The following FAAH2 variants were observed in gnomAD, a reference collection of about 807,000 sequenced individuals.
FAAH2 encodes fatty acid amide hydrolase 2, also known as fatty-acid amide hydrolase 2.
A neutral mutation model predicts 36.9 loss-of-function variants in FAAH2; 60 were observed. The ratio of observed to expected loss-of-function variants is 1.63; its 90% CI spans 1.32 to 2.02. The LOEUF is 2.02. Ranked by LOEUF, FAAH2 falls within the 30% of genes most tolerant of loss-of-function variation. The pLI, the probability that FAAH2 is intolerant of heterozygous loss-of-function variation, is 0.00. For missense variants in FAAH2, 689 were observed against 397.5 expected, an observed-to-expected ratio of 1.73 and a Z score of -6.23; for synonymous variants, 214 against 143.8, an observed-to-expected ratio of 1.49 and a Z score of -3.49.
intron 10 of FAAH2, among the ~76,000 whole-genome samples, chrX:57,466,334 A>T (rs1038729238): frequency 5.6e-5 from 6 of 107,026 alleles, no homozygotes; most frequent in Non-Finnish European, 1.2e-4. Flanking sequence ...CAGTCACTAA[A>T]AATACCTCAA....
intron 7 of FAAH2, among the ~76,000 whole-genome samples, chrX:57,422,378 T>A (rs1231933856): frequency 8.9e-6 from 1 of 112,192 alleles, no homozygotes; most frequent in Non-Finnish European, 1.9e-5. Context: ...GGTTTACTAT[T>A]TTCCTAGATA....
intron 4 of FAAH2, 26 bp downstream of exon 4, chrX:57,331,833 T>A (rs757508079): frequency 9.0e-7 from 1 of 1,110,902 alleles, no homozygotes; most frequent in Non-Finnish European, 1.2e-6. Flanking sequence ...TAGTATGGCA[T>A]GAATAGCTAT....
the FAAH2 span, among the ~76,000 whole-genome samples, chrX:57,162,653 C>T: frequency 1.3e-3 from 149 of 112,087 alleles, 1 homozygote; most frequent in African/African-American, 4.4e-3. Flanking sequence ...TTGATCGCAT[C>T]GGCTCCTGAG....
intron 10 of FAAH2, among the ~76,000 whole-genome samples, chrX:57,471,872 A>G (rs949391655): frequency 1.8e-5 from 2 of 111,999 alleles, no homozygotes; most frequent in Non-Finnish European, 3.8e-5. Context: ...CCAAAACAGC[A>G]TGGTGCTGGT....
intron 4 of FAAH2, among the ~76,000 whole-genome samples, chrX:57,336,898 G>A (rs539031914): frequency 1.8e-5 from 2 of 110,358 alleles, no homozygotes; most frequent in East Asian, 5.7e-4. Flanking sequence ...ACCAAGATTA[G>A]AGCAGAACTG....
intron 5 of FAAH2, among the ~76,000 whole-genome samples, chrX:57,370,687 G>T (rs1001016609): frequency 8.9e-6 from 1 of 112,348 alleles, no homozygotes; most frequent in Non-Finnish European, 1.9e-5. Flanking sequence ...CAGAAGGTGA[G>T]TAGTAGGTGA....
chrX:57,342,299 A>G (rs888325032), intron 5 of FAAH2, among the ~76,000 whole-genome samples: 1 of 111,614 alleles, frequency 9.0e-6, no homozygotes. Flanking sequence ...ATTTTCACTC[A>G]TAAGTGGGAG....
chrX:57,348,478 G>A (rs1007657659), intron 5 of FAAH2, among the ~76,000 whole-genome samples: 10 of 110,720 alleles, frequency 9.0e-5, no homozygotes, highest in African/African-American at 3.3e-4. Flanking sequence ...GACACCCAGG[G>A]GCCCAAGAAT....
chrX:57,131,079 C>CTT, the FAAH2 span, among the ~76,000 whole-genome samples: 1,592 of 90,178 alleles, frequency 0.018, 27 homozygotes, highest in Middle Eastern at 0.056. Flanking sequence ...GGGCCTATTT[C>CTT]TTTTTTTTTT....
chrX:57,172,411 C>T, the FAAH2 span, among the ~76,000 whole-genome samples: 1 of 110,712 alleles, frequency 9.0e-6, no homozygotes, highest in Non-Finnish European at 1.9e-5. Flanking sequence ...GGTTGTGGGG[C>T]TCCAACCTCA....
At chrX:57,124,775 G>T in the FAAH2 span, among the ~76,000 whole-genome samples, 1 of 111,803 alleles carries the variant, frequency 8.9e-6, no homozygotes, top group East Asian at 2.8e-4. Flanking sequence ...AGTTGTGAAT[G>T]AGAGTTCACT....
At chrX:57,146,268 T>C in the FAAH2 span, among the ~76,000 whole-genome samples, 1 of 111,231 alleles carries the variant, frequency 9.0e-6, no homozygotes, top group Non-Finnish European at 1.9e-5. Context: ...GTTTTCCTTG[T>C]AGAGGTCTTT....
At position 57,324,180 on chromosome X, in the gene FAAH2, G is replaced by A. The variant is rs1332325749; in HGVS notation, c.413-7418G>A. Among the ~76,000 whole-genome samples the A allele has an allele frequency of 3.6e-5, 4 of 111,511 alleles. No homozygotes were observed. The South Asian group carries it at 1.1e-3, about 31-fold the overall frequency. ...ATGTGGCATTATTTCTGAGGGCTCT[G>A]TTCTGTTCCATTGGTCTATATCTCT... On this transcript the variant is annotated intron_variant, in intron 3 of 10. Coordinates refer to ENST00000374900, the MANE Select transcript of FAAH2 (RefSeq NM_174912.4).
intron 7 of FAAH2, among the ~76,000 whole-genome samples, chrX:57,397,404 A>C (rs1384959651): frequency 5.4e-5 from 6 of 111,937 alleles, no homozygotes; most frequent in Non-Finnish European, 1.1e-4. Context: ...TTATGATGTC[A>C]GTGTCATTTT....
At chrX:57,305,388 T>G (rs906059843) in intron 2 of FAAH2, among the ~76,000 whole-genome samples, 2 of 111,306 alleles carry the variant, frequency 1.8e-5, no homozygotes, top group South Asian at 7.5e-4. Context: ...ATTCTAACCT[T>G]CTAATATTTT....
intron 1 of FAAH2, among the ~76,000 whole-genome samples, chrX:57,290,095 G>T (rs903528588): frequency 1.8e-5 from 2 of 111,206 alleles, no homozygotes; most frequent in African/African-American, 6.5e-5. Flanking sequence ...TACATGTGTT[G>T]CTAGGAATAT....
chrX:57,349,414 C>T (rs1252514340), intron 5 of FAAH2, among the ~76,000 whole-genome samples: 1 of 90,413 alleles, frequency 1.1e-5, no homozygotes, highest in Non-Finnish European at 2.1e-5. Context: ...TGTGTATATA[C>T]ACATATATAC....
the FAAH2 span, among the ~76,000 whole-genome samples, chrX:57,185,532 GTGCGTGTA>G: frequency 1.8e-5 from 2 of 108,804 alleles, no homozygotes; most frequent in African/African-American, 6.7e-5. Flanking sequence ...GTGTTCGTGT[GTGCGTGTA>G]TGTGTGTGTG....
chrX:57,404,297 T>C (rs2055512802), intron 7 of FAAH2, among the ~76,000 whole-genome samples: 1 of 112,477 alleles, frequency 8.9e-6, no homozygotes, highest in Non-Finnish European at 1.9e-5. Flanking sequence ...CTTTACTACT[T>C]CTATCTTTCT....
Sources: allele counts gnomAD v4.1 joint callset (sites outside exome capture counted in the v4.1 genomes callset), GRCh38; gene constraint gnomAD v4.1.1; transcripts MANE v1.5; gene names NCBI Gene and HGNC (gene_info 2026-07-23, HGNC 2026-07-21).